SDK1: variants seen among roughly 807,000 people sequenced by gnomAD.
SDK1 encodes sidekick cell adhesion molecule 1.
SDK1 carries 157 observed loss-of-function variants against 245.5 expected under a neutral mutation model. The ratio of observed to expected loss-of-function variants is 0.64; its 90% CI spans 0.56 to 0.73. The LOEUF (loss-of-function observed/expected upper bound fraction) is 0.73. Among genes scored for constraint, SDK1 ranks in the 30% least tolerant of loss-of-function variants. The pLI, the probability that SDK1 is intolerant of heterozygous loss-of-function variation, is 0.00. For missense variants in SDK1, 3,583 were observed against 3,002.3 expected (o/e 1.19, Z -4.52); for synonymous variants, 1,647 against 1,278.5 (o/e 1.29, Z -6.15).
intron 4 of SDK1, among the ~76,000 whole-genome samples, chr7:3,727,224 A>T (rs937079300): frequency 6.6e-6 from 1 of 152,240 alleles, no homozygotes; most frequent in Non-Finnish European, 1.5e-5. Flanking sequence ...ATAGAGAAGC[A>T]TGTTACTTTT....
chr7:3,729,522 C>T (rs1171987270), intron 4 of SDK1, among the ~76,000 whole-genome samples: 1 of 152,206 alleles, frequency 6.6e-6, no homozygotes, highest in African/African-American at 2.4e-5. Flanking sequence ...AATTCACAAC[C>T]TCTCACAGCA....
chr7:4,086,444 C>T (rs776026053), intron 22 of SDK1, among the ~76,000 whole-genome samples: 18 of 152,270 alleles, frequency 1.2e-4, no homozygotes, highest in South Asian at 2.1e-4. Context: ...CAGGGTCATT[C>T]GGGTTGCGGC....
chr7:4,002,560 A>G (rs1307017310), intron 14 of SDK1, among the ~76,000 whole-genome samples: 3 of 152,178 alleles, frequency 2.0e-5, no homozygotes, highest in African/African-American at 7.2e-5. Context: ...TGCAGTATGG[A>G]CCTATGCCTG....
intron 2 of SDK1, among the ~76,000 whole-genome samples, chr7:3,625,641 A>T (rs753586759): frequency 4.6e-5 from 7 of 152,176 alleles, no homozygotes; most frequent in Non-Finnish European, 1.0e-4. Flanking sequence ...AGAAGTGCCC[A>T]CTCTAATGGG....
At chr7:3,940,653 T>C (rs1258182393) in intron 5 of SDK1, among the ~76,000 whole-genome samples, 2 of 151,616 alleles carry the variant, frequency 1.3e-5, no homozygotes, top group South Asian at 4.2e-4. Context: ...TGAAACCCCG[T>C]CTACTAAAAA....
At chr7:3,435,322 T>A (rs11286837) in intron 1 of SDK1, among the ~76,000 whole-genome samples, 1 of 24,928 alleles carries the variant, frequency 4.0e-5, no homozygotes, top group Non-Finnish European at 8.5e-5. Flanking sequence ...GGGGACTGCC[T>A]TTTTTTTTTT....
At chr7:3,744,944 A>T (rs1779577551) in intron 4 of SDK1, among the ~76,000 whole-genome samples, 1 of 152,202 alleles carries the variant, frequency 6.6e-6, no homozygotes, top group Non-Finnish European at 1.5e-5. Flanking sequence ...TTTTTCCCTC[A>T]CGAAGGCCAA....
chr7:3,783,645 T>G lies in SDK1; in HGVS notation c.714-37805T>G, dbSNP rs117382614. On this transcript the variant is annotated intron_variant, in intron 4 of 44. Coordinates refer to ENST00000404826, the MANE Select transcript of SDK1 (RefSeq NM_152744.4). ...GCTACGAAAATTACTTAGGAATAAG[T>G]TCAAACAAAGGAGTGAAGACCTTTA... Among the ~76,000 whole-genome samples the G allele has an allele frequency of 5.5e-3, 833 of 152,224 alleles. 1 individual carries two copies. Among genetic ancestry groups the G allele is most frequent in the Non-Finnish European group, 8.6e-3 (584 of 68,008 alleles).
intron 1 of SDK1, among the ~76,000 whole-genome samples, chr7:3,428,962 T>A (rs193068033): frequency 6.6e-6 from 1 of 152,222 alleles, no homozygotes; most frequent in African/African-American, 2.4e-5. Context: ...TGTTAATGAC[T>A]GGACCTTAAG....
At position 3,795,293 on chromosome 7, in the gene SDK1, G is replaced by A. The variant is rs75879885; in HGVS notation, c.714-26157G>A. Among the ~76,000 whole-genome samples the A allele has an allele frequency of 6.2e-3, 938 of 152,232 alleles. 6 individuals carry two copies. The highest frequency in any genetic ancestry group is 0.02 in the African/African-American group (827 of 41,532). On this transcript the variant is annotated intron_variant, in intron 4 of 44. Transcript: ENST00000404826. Reference sequence around the variant, plus strand: ...CCCCCTTAGAGGCATGTTGGATAGGGTGTCTTGTAAATTAATGCCACTTGG... The same window carrying A: ...CCCCCTTAGAGGCATGTTGGATAGGATGTCTTGTAAATTAATGCCACTTGG...
chr7:3,889,761 A>G (rs1170116081), intron 5 of SDK1, among the ~76,000 whole-genome samples: 2 of 150,606 alleles, frequency 1.3e-5, no homozygotes, highest in African/African-American at 2.4e-5. Context: ...ACCCTCCTCG[A>G]CCTCCCAAAG....
At chr7:4,050,685 C>CT (rs1247938199) in intron 18 of SDK1, among the ~76,000 whole-genome samples, 1 of 151,974 alleles carries the variant, frequency 6.6e-6, no homozygotes, top group African/African-American at 2.4e-5. Flanking sequence ...TTTTGCGAAA[C>CT]TAGTGTGATA....
intron 2 of SDK1, among the ~76,000 whole-genome samples, chr7:3,638,464 A>G (rs533382546): frequency 6.6e-6 from 1 of 151,894 alleles, no homozygotes; most frequent in South Asian, 2.1e-4. Context: ...ATAAAAAATG[A>G]TGAGTTCATG....
chr7:3,526,305 T>TTAA (rs1307117874), intron 1 of SDK1, among the ~76,000 whole-genome samples: 1 of 152,156 alleles, frequency 6.6e-6, no homozygotes, highest in Non-Finnish European at 1.5e-5. Flanking sequence ...TACATATAAT[T>TTAA]TACCATGGAT....
In SDK1 at chr7:4,119,896, A is replaced by G. The variant is rs186182938; in HGVS notation, c.3823+5622A>G. Among the ~76,000 whole-genome samples the G allele has an allele frequency of 6.6e-4, 99 of 149,300 alleles. 7 individuals carry two copies. The highest frequency in any genetic ancestry group is 9.9e-4 in the Non-Finnish European group (66 of 66,820). The stretch of plus-strand genomic sequence containing the variant: ...CATACAAGTCTGAGAGAAATATATA[A>G]TAACTACATTTAAAATTATTAAAGT... On this transcript the variant is annotated intron_variant, in intron 25 of 44. Transcript: ENST00000404826.
chr7:3,374,552 T>C (rs990902280), intron 1 of SDK1, among the ~76,000 whole-genome samples: 2 of 152,162 alleles, frequency 1.3e-5, no homozygotes, highest in African/African-American at 2.4e-5. Flanking sequence ...CTTTGGCCAC[T>C]ATACAGGTCT....
intron 22 of SDK1, among the ~76,000 whole-genome samples, chr7:4,080,994 C>A (rs1781019393): frequency 6.6e-6 from 1 of 152,150 alleles, no homozygotes; most frequent in Non-Finnish European, 1.5e-5. Flanking sequence ...AAAACCAATT[C>A]TACTATTAAA....
intron 5 of SDK1, among the ~76,000 whole-genome samples, chr7:3,905,225 G>A (rs1022511620): frequency 6.6e-6 from 1 of 151,458 alleles, no homozygotes; most frequent in Admixed American, 6.6e-5. Flanking sequence ...TTATACCACG[G>A]TTTATTCTGT....
chr7:3,907,250 AC>A (rs1184333388), intron 5 of SDK1, among the ~76,000 whole-genome samples: 1 of 152,112 alleles, frequency 6.6e-6, no homozygotes, highest in Non-Finnish European at 1.5e-5. Context: ...ATGTTTTATC[AC>A]CCAAACAGAA....
Sources: gnomAD v4.1 joint callset for allele counts (sites outside exome capture counted in the v4.1 genomes callset) on GRCh38, gnomAD v4.1.1 for gene constraint, MANE v1.5 for transcripts, NCBI Gene and HGNC (gene_info 2026-07-23, HGNC 2026-07-21) for gene names.